Variants in EYS observed in about 807,000 individuals in gnomAD.
EYS encodes EGF-like photoreceptor maintenance factor, also known as protein eyes shut homolog.
A neutral mutation model predicts 282.1 loss-of-function variants in EYS; 250 were observed. The ratio of observed to expected loss-of-function variants is 0.89; its 90% CI spans 0.80 to 0.98. EYS has a LOEUF of 0.98. Among genes scored for constraint, EYS ranks in the 50% least tolerant of loss-of-function variants. EYS has a pLI of 0.00. For synonymous variants in EYS, 1,355 were observed against 1,282.9 expected (o/e 1.06, Z -1.20); for missense variants, 4,016 against 3,709.0 (o/e 1.08, Z -2.15).
intron 12 of EYS, among the ~76,000 whole-genome samples, chr6:65,136,273 T>A (rs1043433357): frequency 6.6e-6 from 1 of 152,042 alleles, no homozygotes; most frequent in Admixed American, 6.6e-5. Context: ...TTAGGCAATA[T>A]AAATTAATAG....
intron 5 of EYS, among the ~76,000 whole-genome samples, chr6:65,441,538 A>G (rs558975693): frequency 6.6e-6 from 1 of 152,184 alleles, no homozygotes; most frequent in Non-Finnish European, 1.5e-5. Context: ...CAGCTGTTCT[A>G]TGTGTTGACA....
chr6:64,656,156 T>C (rs1430474582), intron 22 of EYS, among the ~76,000 whole-genome samples: 3 of 151,422 alleles, frequency 2.0e-5, no homozygotes, highest in Non-Finnish European at 4.4e-5. Flanking sequence ...TTTGTAGATA[T>C]TACAATCAAA....
intron 28 of EYS, among the ~76,000 whole-genome samples, chr6:64,425,803 G>A (rs999596698): frequency 3.5e-4 from 53 of 151,862 alleles, no homozygotes; most frequent in African/African-American, 1.2e-3. Flanking sequence ...AGTAAAAAAT[G>A]ACTTTCATTA....
intron 22 of EYS, among the ~76,000 whole-genome samples, chr6:64,807,324 C>CTGAT (rs1197221401): frequency 6.9e-6 from 1 of 144,756 alleles, no homozygotes; most frequent in African/African-American, 2.9e-5. Flanking sequence ...GACCTTCCCA[C>CTGAT]TGATTGTGAC....
At chr6:65,586,920 A>G (rs1765069841) in intron 2 of EYS, among the ~76,000 whole-genome samples, 1 of 151,976 alleles carries the variant, frequency 6.6e-6, no homozygotes. Flanking sequence ...TTTTTCTTAG[A>G]TGTCAAACAT....
chr6:65,180,214 G>C (rs1765340566), intron 12 of EYS, among the ~76,000 whole-genome samples: 1 of 151,800 alleles, frequency 6.6e-6, no homozygotes, highest in African/African-American at 2.4e-5. Flanking sequence ...AGGGAAGTCA[G>C]GCAGGAGAAG....
intron 12 of EYS, among the ~76,000 whole-genome samples, chr6:65,189,310 GTTGA>G (rs1765587643): frequency 6.6e-6 from 1 of 151,644 alleles, no homozygotes; most frequent in Non-Finnish European, 1.5e-5. Context: ...CTAGTATGCT[GTTGA>G]TTATTTTGCA....
chr6:64,729,460 CCTGCA>C lies in EYS; in HGVS notation c.3443+83913_3443+83917del, dbSNP rs1771882380. On this transcript the variant is annotated intron_variant, in intron 22 of 42. Coordinates refer to ENST00000503581, the MANE Select transcript of EYS (RefSeq NM_001142800.2). ...GTGCTTGTGTGATTTGACTTGGTCT[CCTGCA>C]CTTTGATCTTTTTTTCATAAAAAGG... Among the ~76,000 whole-genome samples, 6 of 152,198 alleles carry C rather than the reference CCTGCA, an allele frequency of 3.9e-5. No homozygotes were observed. In the South Asian group the frequency reaches 1.2e-3, roughly 32 times the overall value.
chr6:64,875,391 C>A (rs941432390), intron 19 of EYS, among the ~76,000 whole-genome samples: 3 of 152,046 alleles, frequency 2.0e-5, no homozygotes, highest in African/African-American at 7.2e-5. Context: ...ATTTTGAGTT[C>A]TCACTTATGG....
At chr6:65,530,763 AT>A (rs1276784539) in intron 2 of EYS, among the ~76,000 whole-genome samples, 1 of 152,136 alleles carries the variant, frequency 6.6e-6, no homozygotes, top group Non-Finnish European at 1.5e-5. Flanking sequence ...TTTCCACTGA[AT>A]TTGAAAGGAC....
intron 2 of EYS, among the ~76,000 whole-genome samples, chr6:65,590,922 G>T (rs1383844482): frequency 2.0e-5 from 3 of 151,454 alleles, no homozygotes; most frequent in African/African-American, 4.9e-5. Flanking sequence ...ATTGTGAATA[G>T]TGCTACAATA....
In EYS at chr6:65,156,384, C is replaced by T. The variant is rs534036173; in HGVS notation, c.2024-98657G>A. Among the ~76,000 whole-genome samples, 3 of 151,210 alleles carry T rather than the reference C, an allele frequency of 2.0e-5. No homozygotes were observed. The South Asian group carries it at 6.2e-4, about 31-fold the overall frequency. ...TTAGATCTTTGGCCCAGATATATGA[C>T]TATAAATTATATATCCTCTCATATT... On this transcript the variant is annotated intron_variant, in intron 12 of 42. Transcript: ENST00000503581.
At chr6:63,788,005 A>G in intron 39 of EYS, 100 bp downstream of exon 39, 1 of 866,224 alleles carries the variant, frequency 1.2e-6, no homozygotes. Context: ...AAAGCAATCC[A>G]TATAGCTGGT....
intron 29 of EYS, among the ~76,000 whole-genome samples, chr6:64,332,226 C>T (rs773866837): frequency 4.6e-5 from 7 of 152,136 alleles, no homozygotes; most frequent in African/African-American, 1.4e-4. Flanking sequence ...CTAAATTAAC[C>T]GGGTATTCAC....
At chr6:64,203,536 G>A (rs1050742630) in intron 31 of EYS, among the ~76,000 whole-genome samples, 4 of 152,184 alleles carry the variant, frequency 2.6e-5, no homozygotes, top group Non-Finnish European at 4.4e-5. Context: ...GGAAGGCAAT[G>A]TAGCTCATGC....
At chr6:64,648,583 T>A (rs1241229574) in intron 22 of EYS, among the ~76,000 whole-genome samples, 5 of 152,180 alleles carry the variant, frequency 3.3e-5, no homozygotes, top group Non-Finnish European at 7.3e-5. Context: ...AACACAGTAC[T>A]TCTAAGAGTG....
At chr6:64,030,460 T>G (rs1769768098) in intron 33 of EYS, among the ~76,000 whole-genome samples, 1 of 152,090 alleles carries the variant, frequency 6.6e-6, no homozygotes, top group South Asian at 2.1e-4. Context: ...CAGCAGTAAC[T>G]CTCCAAAACT....
chr6:64,331,851 C>T (rs1039287648), intron 29 of EYS, among the ~76,000 whole-genome samples: 1 of 152,210 alleles, frequency 6.6e-6, no homozygotes, highest in Non-Finnish European at 1.5e-5. Context: ...AAGCCAGAGG[C>T]TACTGGTACA....
intron 13 of EYS, among the ~76,000 whole-genome samples, chr6:65,013,837 C>T (rs1276067529): frequency 6.6e-6 from 1 of 152,070 alleles, no homozygotes; most frequent in African/African-American, 2.4e-5. Flanking sequence ...TGCATTTCAG[C>T]CTGGGAAACA....
Sources: allele counts gnomAD v4.1 joint callset (sites outside exome capture counted in the v4.1 genomes callset), GRCh38; gene constraint gnomAD v4.1.1; transcripts MANE v1.5; gene names NCBI Gene and HGNC (gene_info 2026-07-23, HGNC 2026-07-21).